The following SLC4A4 variants were observed in gnomAD, a reference collection of about 807,000 sequenced individuals.
The protein encoded by SLC4A4 is solute carrier family 4 member 4.
SLC4A4 carries 27 observed loss-of-function variants against 111.5 expected under a neutral mutation model. The ratio of observed to expected loss-of-function variants is 0.24; its 90% CI spans 0.18 to 0.33. The LOEUF (loss-of-function observed/expected upper bound fraction) is 0.33. SLC4A4 is among the 10% of genes least tolerant of loss of function. SLC4A4 has a pLI of 1.00. For synonymous variants in SLC4A4, 443 were observed against 463.4 expected, an observed-to-expected ratio of 0.96 and a Z score of 0.57; for missense variants, 909 against 1,315.5, an observed-to-expected ratio of 0.69 and a Z score of 4.78.
At chr4:71,169,101 C>T (rs1744867337) in intron 2 of SLC4A4, among the ~76,000 whole-genome samples, 1 of 151,994 alleles carries the variant, frequency 6.6e-6, no homozygotes, top group Non-Finnish European at 1.5e-5. Context: ...TCACTGCAAC[C>T]TCCGCCTCCC....
In SLC4A4 at chr4:71,363,589, G is replaced by A. The variant is rs147466939; in HGVS notation, c.730+6402G>A. On this transcript the variant is annotated intron_variant, in intron 6 of 25. Coordinates refer to ENST00000264485, the MANE Select transcript of SLC4A4 (RefSeq NM_001098484.3). The stretch of plus-strand genomic sequence containing the variant: ...ATTTCCCTAACCTGCTTCTGAAGCC[G>A]GCCATCATGCTTCTCTAGTTCTCAG... 2.9e-3 allele frequency among the ~76,000 whole-genome samples: 446 copies of A among 152,164 alleles called. 5 individuals are homozygous for A. The highest frequency in any genetic ancestry group is 0.01 in the Middle Eastern group (3 of 294).
chr4:71,286,147 G>C (rs1362042243), intron 3 of SLC4A4, among the ~76,000 whole-genome samples: 2 of 152,276 alleles, frequency 1.3e-5, no homozygotes, highest in East Asian at 3.9e-4. Context: ...GGCTGAGGCA[G>C]GAGAACGGCG....
intron 2 of SLC4A4, among the ~76,000 whole-genome samples, chr4:71,098,953 A>T (rs533915114): frequency 6.6e-6 from 1 of 152,336 alleles, no homozygotes; most frequent in Admixed American, 6.5e-5. Context: ...ACTCAGATTT[A>T]TAAAGCAAGT....
chr4:71,415,077 C>T (rs1275482188), intron 7 of SLC4A4, among the ~76,000 whole-genome samples: 1 of 152,222 alleles, frequency 6.6e-6, no homozygotes. Flanking sequence ...GTCTGCAGTT[C>T]ATTTTGCAGC....
chr4:71,531,948 T>G (rs1733970780), intron 16 of SLC4A4, 114 bp from the exon 17 acceptor site: 2 of 708,572 alleles, frequency 2.8e-6, no homozygotes, highest in East Asian at 5.4e-5. Context: ...AATTTGTTGA[T>G]GAAGCTGTTG....
intron 3 of SLC4A4, among the ~76,000 whole-genome samples, chr4:71,335,080 G>A (rs1379038944): frequency 1.3e-5 from 2 of 151,912 alleles, no homozygotes; most frequent in African/African-American, 4.9e-5. Context: ...TGGAGGGAGG[G>A]AGGAAGGTGA....
intron 8 of SLC4A4, among the ~76,000 whole-genome samples, chr4:71,447,054 C>T (rs1352924489): frequency 6.6e-6 from 1 of 152,220 alleles, no homozygotes; most frequent in Non-Finnish European, 1.5e-5. Context: ...ATAATTTTGA[C>T]TGTCTGTGAA....
chr4:71,326,490 A>C (rs528396214), intron 3 of SLC4A4, among the ~76,000 whole-genome samples: 1 of 152,122 alleles, frequency 6.6e-6, no homozygotes, highest in Admixed American at 6.6e-5. Context: ...GGTGCCTGTG[A>C]ATCATTAGGC....
chr4:71,353,948 C>A (rs978135864), intron 5 of SLC4A4, among the ~76,000 whole-genome samples: 2 of 152,172 alleles, frequency 1.3e-5, no homozygotes, highest in African/African-American at 4.8e-5. Flanking sequence ...CTCACACTTA[C>A]ATAAAAAATT....
intron 14 of SLC4A4, chr4:71,473,400 G>C (rs936257050): frequency 8.9e-6 from 3 of 335,794 alleles, no homozygotes; most frequent in Non-Finnish European, 1.6e-5. Context: ...ACTTATAGAA[G>C]AAAAAGATAC....
At chr4:71,435,902 G>C (rs1724092847) in intron 7 of SLC4A4, among the ~76,000 whole-genome samples, 1 of 152,136 alleles carries the variant, frequency 6.6e-6, no homozygotes. Context: ...AAAAAGTCAG[G>C]AAACAACAGG....
chr4:71,072,657 G>A (rs1468368008), intron 1 of SLC4A4, among the ~76,000 whole-genome samples: 1 of 151,872 alleles, frequency 6.6e-6, no homozygotes, highest in Non-Finnish European at 1.5e-5. Flanking sequence ...TACAGTTATA[G>A]CTTTAAAGAG....
At chr4:71,155,568 T>C (rs1744434915) in intron 2 of SLC4A4, among the ~76,000 whole-genome samples, 1 of 152,174 alleles carries the variant, frequency 6.6e-6, no homozygotes, top group Non-Finnish European at 1.5e-5. Flanking sequence ...GTTCAAGCGC[T>C]TCTCCCCCCA....
chr4:71,063,312 G>A (rs12641184), intron 1 of SLC4A4, among the ~76,000 whole-genome samples: 101,896 of 151,914 alleles, frequency 0.67, 35,511 homozygotes, highest in East Asian at 0.83. Flanking sequence ...TTCTGTTGTC[G>A]GGTACAGTAA....
intron 7 of SLC4A4, among the ~76,000 whole-genome samples, chr4:71,401,407 A>G (rs1720353093): frequency 6.6e-6 from 1 of 152,248 alleles, no homozygotes; most frequent in Admixed American, 6.5e-5. Context: ...ATATTTATTA[A>G]GCAGAAAAAC....
At chr4:71,140,750 G>A (rs780455061) in intron 2 of SLC4A4, among the ~76,000 whole-genome samples, 1 of 152,016 alleles carries the variant, frequency 6.6e-6, no homozygotes, top group Admixed American at 6.5e-5. Context: ...CTTTCAAAAC[G>A]TGTGTCAAAT....
At chr4:71,218,712 A>C (rs1490587979) in intron 1 of SLC4A4, among the ~76,000 whole-genome samples, 1 of 152,188 alleles carries the variant, frequency 6.6e-6, no homozygotes, top group African/African-American at 2.4e-5. Context: ...CATCTGTAAA[A>C]GGGGGATGAT....
intron 6 of SLC4A4, among the ~76,000 whole-genome samples, chr4:71,384,642 CAAAAAA>C (rs773419796): frequency 1.6e-5 from 1 of 61,456 alleles, no homozygotes; most frequent in Non-Finnish European, 3.9e-5. Context: ...TCCCTCCCAC[CAAAAAA>C]AAAAAAAAAA....
At chr4:71,255,850 G>T (rs1427734988) in intron 3 of SLC4A4, among the ~76,000 whole-genome samples, 1 of 152,094 alleles carries the variant, frequency 6.6e-6, no homozygotes, top group Non-Finnish European at 1.5e-5. Flanking sequence ...ATAAAACCAG[G>T]TTATGAGTCA....
Sources: gnomAD v4.1 joint callset for allele counts (sites outside exome capture counted in the v4.1 genomes callset) on GRCh38, gnomAD v4.1.1 for gene constraint, MANE v1.5 for transcripts, NCBI Gene and HGNC (gene_info 2026-07-23, HGNC 2026-07-21) for gene names.